Variants in HPSE observed in about 807,000 individuals in gnomAD.
The protein encoded by HPSE is heparanase.
In HPSE, 48 loss-of-function variants were observed where a neutral mutation model predicts 65.1. The ratio of observed to expected loss-of-function variants is 0.74; its 90% confidence interval spans 0.58 to 0.94. The LOEUF (loss-of-function observed/expected upper bound fraction) is 0.94, where lower values mean the gene tolerates loss of function less well. Among genes scored for constraint, HPSE ranks in the 40% least tolerant of loss-of-function variants. HPSE has a pLI of 0.00. For missense variants in HPSE, 644 were observed against 637.5 expected (o/e 1.01, Z -0.11); for synonymous variants, 243 against 260.0 (o/e 0.93, Z 0.63).
chr4:83,313,408 A>C lies in HPSE; in HGVS notation c.500-121T>G, dbSNP rs1008027536. 6 of 603,206 alleles carry C rather than the reference A, an allele frequency of 9.9e-6. No homozygotes were observed. In the East Asian group the frequency reaches 1.2e-4, roughly 12 times the overall value. The allele number at this position is 603,206 out of a possible 1,614,324, so 37.4% of individuals were successfully genotyped here. ...AACTGAAGAAATTCTAGTTCTAATA[A>C]ATGATTATAATTATGTTTTTGAGAC... On this transcript the variant is annotated intron_variant, in intron 3 of 11. Transcript: ENST00000311412.
chr4:83,331,381 T>C (rs1737365626), intron 1 of HPSE, among the ~76,000 whole-genome samples: 1 of 152,204 alleles, frequency 6.6e-6, no homozygotes, highest in African/African-American at 2.4e-5. Context: ...TTATTAAAAT[T>C]AATTTCACTT....
intron 11 of HPSE, among the ~76,000 whole-genome samples, chr4:83,296,016 A>G (rs1735710877): frequency 6.6e-6 from 1 of 152,222 alleles, no homozygotes. Flanking sequence ...GGAGGTATGC[A>G]TTCATTTTCT....
At chr4:83,298,837 T>C (rs957300156) in intron 11 of HPSE, among the ~76,000 whole-genome samples, 5 of 152,022 alleles carry the variant, frequency 3.3e-5, no homozygotes, top group Non-Finnish European at 7.4e-5. Flanking sequence ...TCAAAAATAA[T>C]GATAATGATA....
intron 3 of HPSE, among the ~76,000 whole-genome samples, chr4:83,317,273 C>T (rs1189630024): frequency 2.0e-5 from 3 of 152,144 alleles, no homozygotes; most frequent in Non-Finnish European, 4.4e-5. Flanking sequence ...CCTTTTGCTA[C>T]CTCTTCTTTT....
At chr4:83,327,443 A>T (rs549054688) in intron 1 of HPSE, among the ~76,000 whole-genome samples, 1 of 152,228 alleles carries the variant, frequency 6.6e-6, no homozygotes, top group African/African-American at 2.4e-5. Context: ...GGTGCAAAAC[A>T]TGCCATAAAA....
chr4:83,301,240 A>C (rs76652329), intron 10 of HPSE, 134 bp from the exon 11 acceptor site: 9,885 of 534,684 alleles, frequency 0.018, 124 homozygotes, highest in Middle Eastern at 0.027. Flanking sequence ...TAGGATCCAT[A>C]ATGACAGTGG....
Position 83,302,166 on chromosome 4 carries a change from A to G in HPSE, c.1309T>C (p.Cys437Arg), listed in dbSNP as rs1735974424. 1.2e-6 allele frequency: 2 copies of G among 1,611,146 alleles called. No homozygotes were observed. The highest frequency in any genetic ancestry group is 1.7e-6 in the Non-Finnish European group (2 of 1,177,288). The change falls in exon 10 of 12, where the codon TGC becomes CGC. Residue 437 changes from cysteine (C) to arginine (R), a missense_variant. Physicochemically the swap from Cys to Arg is radical, Grantham distance 180. Coordinates refer to ENST00000311412, the MANE Select transcript of HPSE (RefSeq NM_001098540.3). ...CATACTTACTTGTCAGTGTTTGTGC[A>G]ATGAAGGTATACTCGAAGCTTCCTT... ...KRRKLRVYLH[C>R]TNTDNPRYKE...
Position 83,334,619 on chromosome 4 carries a change from G to A in HPSE, c.164C>T (p.Ser55Leu), listed in dbSNP as rs772006211. ...GGCGTCAATGGTGACGGACAGGAACGAGGGGCTCACCAGGTGCAGCGGCTC... is the reference window on the plus strand; with the variant it reads ...GGCGTCAATGGTGACGGACAGGAACAAGGGGCTCACCAGGTGCAGCGGCTC... Reference protein sequence around the residue: ...TQEPLHLVSPSFLSVTIDANL... With the variant: ...TQEPLHLVSPLFLSVTIDANL... The change falls in exon 1 of 12, where the codon TCG becomes TTG. Residue 55 changes from serine (S) to leucine (L), a missense_variant. Ser to Leu is a moderately radical substitution (Grantham distance 145). Coordinates refer to ENST00000311412, the MANE Select transcript of HPSE (RefSeq NM_001098540.3). 6.3e-7 allele frequency: 1 copy of A among 1,592,394 alleles called. No homozygotes were observed. The highest frequency in any genetic ancestry group is 1.8e-5 in the Admixed American group (1 of 56,674).
chr4:83,311,781 G>GAAA (rs59143616), intron 4 of HPSE, among the ~76,000 whole-genome samples: 1 of 126,904 alleles, frequency 7.9e-6, no homozygotes, highest in African/African-American at 3.0e-5. Flanking sequence ...GATCTTGTCT[G>GAAA]AAAAAAAAAA....
intron 2 of HPSE, among the ~76,000 whole-genome samples, chr4:83,320,209 C>CT (rs575487528): frequency 8.7e-4 from 132 of 152,142 alleles, no homozygotes; most frequent in African/African-American, 3.0e-3. Flanking sequence ...GAACCGTTGA[C>CT]TTTTTTTCGC....
At chr4:83,297,147 G>A (rs1238438608) in intron 11 of HPSE, among the ~76,000 whole-genome samples, 2 of 151,956 alleles carry the variant, frequency 1.3e-5, no homozygotes, top group East Asian at 1.9e-4. Context: ...TTGTATATTC[G>A]CTACAGTAAC....
At chr4:83,321,992 T>TTTTTTTTC (rs1406651996) in intron 2 of HPSE, among the ~76,000 whole-genome samples, 1 of 141,156 alleles carries the variant, frequency 7.1e-6, no homozygotes, top group African/African-American at 2.6e-5. Flanking sequence ...GACGCCTTTT[T>TTTTTTTTC]TTTTTTTTTT....
chr4:83,316,779 A>C (rs1457037435), intron 3 of HPSE, among the ~76,000 whole-genome samples: 1 of 152,188 alleles, frequency 6.6e-6, no homozygotes, highest in Non-Finnish European at 1.5e-5. Flanking sequence ...TCTCATGACA[A>C]ATGTTTTTGT....
rs181093703 is a variant in HPSE at position 83,322,252 on chromosome 4, C to A, written c.340G>T (p.Glu114Ter). ...ACTTGAGATTGCCAGTAACTTCTCT[C>A]TTCAAAGGTTGATTCCTTCTTGGGA... The part of the protein sequence containing the change: ...FDPKKESTFE[E>*]RSYWQSQVNQ... Residue 114 changes from glutamate to a stop codon, truncating the protein, a stop_gained, in exon 2 of 12, where the codon GAG becomes TAG. Transcript: ENST00000311412. LOFTEE classifies it high-confidence loss of function. 6.2e-7 allele frequency: 1 copy of A among 1,614,006 alleles called. No individual in the cohort carries two copies. Among genetic ancestry groups the A allele is most frequent in the African/African-American group, 1.3e-5 (1 of 75,040 alleles).
chr4:83,319,317 A>G, intron 3 of HPSE, 27 bp downstream of exon 3: 1 of 1,611,460 alleles, frequency 6.2e-7, no homozygotes, highest in East Asian at 2.2e-5. Flanking sequence ...GGGCTGGAAC[A>G]TCTCTAGGGT....
At chr4:83,300,053 C>T (rs187122749) in intron 11 of HPSE, among the ~76,000 whole-genome samples, 1 of 152,280 alleles carries the variant, frequency 6.6e-6, no homozygotes, top group African/African-American at 2.4e-5. Flanking sequence ...GAAAGGAACT[C>T]CTTCCAACAT....
intron 4 of HPSE, among the ~76,000 whole-genome samples, chr4:83,311,723 A>G (rs941257428): frequency 6.7e-6 from 1 of 148,296 alleles, no homozygotes; most frequent in African/African-American, 2.5e-5. Flanking sequence ...TGGAGGTTAC[A>G]TTGAGCTATG....
intron 3 of HPSE, among the ~76,000 whole-genome samples, chr4:83,318,172 CCAAA>C (rs561990185): frequency 1.1e-3 from 160 of 151,936 alleles, no homozygotes; most frequent in Non-Finnish European, 1.7e-3. Flanking sequence ...GTTAACTAAC[CCAAA>C]CAAAGTATAG....
chr4:83,308,728 G>T (rs1040295204), intron 8 of HPSE, 117 bp downstream of exon 8: 4 of 733,182 alleles, frequency 5.5e-6, no homozygotes, highest in Admixed American at 2.5e-5. Flanking sequence ...TGAATTTTGG[G>T]GCTCAGCCAC....
Sources: allele counts gnomAD v4.1 joint callset (sites outside exome capture counted in the v4.1 genomes callset), GRCh38; gene constraint gnomAD v4.1.1; transcripts MANE v1.5; gene names NCBI Gene and HGNC (gene_info 2026-07-23, HGNC 2026-07-21).